The following PTK2 variants were observed in gnomAD, a reference collection of about 807,000 sequenced individuals.
PTK2 encodes focal adhesion kinase 1.
In PTK2, 45 loss-of-function variants were observed where a neutral mutation model predicts 150.1. The observed-to-expected ratio is 0.30, with a 90% CI of 0.24 to 0.38. The LOEUF is 0.38. Among genes scored for constraint, PTK2 ranks in the 10% least tolerant of loss-of-function variants. The pLI, the probability that PTK2 is intolerant of heterozygous loss-of-function variation, is 1.00. For synonymous variants in PTK2, 432 were observed against 449.2 expected (o/e 0.96, Z 0.48); for missense variants, 919 against 1,307.3 (o/e 0.70, Z 4.58).
chr8:140,950,234 C>T (rs983944443), intron 1 of PTK2, among the ~76,000 whole-genome samples: 2 of 152,202 alleles, frequency 1.3e-5, no homozygotes, highest in Non-Finnish European at 2.9e-5. Context: ...GACTAAAACA[C>T]GGCCTCCTGC....
intron 4 of PTK2, among the ~76,000 whole-genome samples, chr8:140,867,116 C>T (rs914246199): frequency 3.3e-5 from 5 of 152,072 alleles, no homozygotes; most frequent in African/African-American, 1.2e-4. Flanking sequence ...AGACCCTTAC[C>T]AAGTCATGAT....
intron 1 of PTK2, among the ~76,000 whole-genome samples, chr8:140,928,182 C>A (rs1265364263): frequency 6.6e-6 from 1 of 151,562 alleles, no homozygotes; most frequent in East Asian, 1.9e-4. Context: ...GTTGTTATTC[C>A]AGCTTACCAA....
chr8:140,975,408 C>T (rs542970076), intron 1 of PTK2, among the ~76,000 whole-genome samples: 1 of 152,266 alleles, frequency 6.6e-6, no homozygotes, highest in African/African-American at 2.4e-5. Context: ...CCTATTTCTC[C>T]ACATGTGATA....
chr8:140,956,180 G>C (rs1317505446), intron 1 of PTK2, among the ~76,000 whole-genome samples: 1 of 152,238 alleles, frequency 6.6e-6, no homozygotes, highest in East Asian at 1.9e-4. Context: ...GGGCCATCCA[G>C]AATATCCTGA....
chr8:140,819,942 T>C (rs188401614), intron 8 of PTK2, among the ~76,000 whole-genome samples: 35 of 151,974 alleles, frequency 2.3e-4, no homozygotes, highest in African/African-American at 8.0e-4. Context: ...AGGCCATGGA[T>C]AAAGGGAATG....
At chr8:140,816,077 T>C (rs2100104541) in intron 10 of PTK2, among the ~76,000 whole-genome samples, 1 of 152,202 alleles carries the variant, frequency 6.6e-6, no homozygotes, top group Non-Finnish European at 1.5e-5. Context: ...GATTACATTA[T>C]TATACACTTA....
At chr8:140,676,177 A>C (rs1264947064) in intron 27 of PTK2, among the ~76,000 whole-genome samples, 1 of 152,064 alleles carries the variant, frequency 6.6e-6, no homozygotes, top group Non-Finnish European at 1.5e-5. Context: ...GGAGTTCAAG[A>C]CCAGCCTGGC....
At chr8:140,987,543 A>G (rs1356065289) in intron 1 of PTK2, among the ~76,000 whole-genome samples, 1 of 152,176 alleles carries the variant, frequency 6.6e-6, no homozygotes, top group Non-Finnish European at 1.5e-5. Context: ...ATAACCATAT[A>G]AGAAGATGCT....
In PTK2 at chr8:140,668,434, C is replaced by A. The variant is rs779699717; in HGVS notation, c.2710-10G>T. ...TTTCCTGGGGCTGAAGCTGACAACA[C>A]AGAAGCCAGTCATTTTTCTGCTCTC... On this transcript the variant is annotated splice_polypyrimidine_tract_variant and intron_variant, in intron 29 of 31. Coordinates refer to ENST00000522684, the Ensembl canonical transcript of PTK2. The A allele has an allele frequency of 6.2e-7, 1 of 1,600,382 alleles. No homozygotes were observed. Among genetic ancestry groups the A allele is most frequent in the Non-Finnish European group, 8.5e-7 (1 of 1,173,642 alleles).
In PTK2 at chr8:140,715,942, T is replaced by C. The variant is rs914607236; in HGVS notation, c.2142+1656A>G. Among the ~76,000 whole-genome samples, 4 of 152,266 alleles carry C rather than the reference T, an allele frequency of 2.6e-5. No homozygotes were observed. In the East Asian group the frequency reaches 5.8e-4, roughly 22 times the overall value. ...ACTAAAAATCCAACAGATTGGGATA[T>C]AGAAAAATGTGTAGATGAAGAGTTG... On this transcript the variant is annotated intron_variant, in intron 23 of 31. Transcript: ENST00000522684.
At chr8:140,892,490 C>T (rs1339448544) in intron 2 of PTK2, 4 of 296,742 alleles carry the variant, frequency 1.3e-5, no homozygotes, top group South Asian at 1.1e-4. Context: ...GAGCCGAGAT[C>T]GTGCCACTGC....
intron 16 of PTK2, among the ~76,000 whole-genome samples, chr8:140,753,785 G>A (rs1328112953): frequency 6.6e-6 from 1 of 152,092 alleles, no homozygotes; most frequent in Non-Finnish European, 1.5e-5. Flanking sequence ...TCACTAAAAT[G>A]TAAGTTTCAA....
At chr8:140,676,600 C>T (rs1425363816) in intron 27 of PTK2, among the ~76,000 whole-genome samples, 2 of 60,672 alleles carry the variant, frequency 3.3e-5, no homozygotes, top group Non-Finnish European at 8.1e-5. Flanking sequence ...AGAGTTGCCG[C>T]GGTCGGTGGG....
At chr8:140,879,392 A>G in intron 4 of PTK2, 79 bp downstream of exon 4, 1 of 1,388,816 alleles carries the variant, frequency 7.2e-7, no homozygotes, top group Non-Finnish European at 9.7e-7. Flanking sequence ...TTAAACATAT[A>G]CATTTGTTAT....
intron 25 of PTK2, among the ~76,000 whole-genome samples, chr8:140,701,939 C>T (rs960863322): frequency 3.3e-5 from 5 of 151,558 alleles, no homozygotes; most frequent in African/African-American, 9.7e-5. Context: ...CCAGCCTGGC[C>T]AACATGGTGA....
At chr8:140,846,016 G>C (rs1169805574) in intron 7 of PTK2, among the ~76,000 whole-genome samples, 3 of 151,914 alleles carry the variant, frequency 2.0e-5, no homozygotes, top group Non-Finnish European at 4.4e-5. Context: ...ATATCATCTT[G>C]CAATGATTAA....
At chr8:140,746,634 T>C (rs2100058947) in intron 18 of PTK2, 126 bp downstream of exon 21, 8 of 647,104 alleles carry the variant, frequency 1.2e-5, no homozygotes, top group Non-Finnish European at 2.1e-5. Context: ...ACCAAAACCA[T>C]AATGACATAC....
chr8:140,763,627 A>G (rs892606674), intron 15 of PTK2, among the ~76,000 whole-genome samples: 12 of 152,198 alleles, frequency 7.9e-5, no homozygotes, highest in Admixed American at 2.0e-4. Flanking sequence ...CAAGCTGCAC[A>G]TCACAGAGAG....
At chr8:140,798,974 C>T (rs1346334926) in intron 12 of PTK2, among the ~76,000 whole-genome samples, 1 of 152,188 alleles carries the variant, frequency 6.6e-6, no homozygotes, top group African/African-American at 2.4e-5. Flanking sequence ...CTTCATTACT[C>T]TATTTTATAC....
Sources: gnomAD v4.1 joint callset for allele counts (sites outside exome capture counted in the v4.1 genomes callset) on GRCh38, gnomAD v4.1.1 for gene constraint, MANE v1.5 for transcripts, NCBI Gene and HGNC (gene_info 2026-07-23, HGNC 2026-07-21) for gene names.